Variants in TNKS observed in about 807,000 individuals in gnomAD.
TNKS encodes poly [ADP-ribose] polymerase tankyrase-1.
TNKS carries 72 observed loss-of-function variants against 135.8 expected under a neutral mutation model. That is an observed-to-expected ratio of 0.53 (90% confidence interval 0.44 to 0.64). TNKS has a LOEUF of 0.64. Ranked by LOEUF, TNKS falls within the 30% of genes least tolerant of loss-of-function variation. The pLI, the probability that TNKS is intolerant of heterozygous loss-of-function variation, is 0.00. For missense variants in TNKS, 1,769 were observed against 1,674.0 expected (o/e 1.06, Z -0.99); for synonymous variants, 849 against 649.3 (o/e 1.31, Z -4.68).
rs543919536 is a variant in TNKS, at chr8:9,778,125, C to G, written c.*1389C>G. ...ACTGTTTATTTTCATCAACATTTAC[C>G]AAGTGCCATTGACATTTATAAAAAA... On this transcript the variant is annotated 3_prime_UTR_variant, in exon 27 of 27. Coordinates refer to ENST00000310430, the MANE Select transcript of TNKS (RefSeq NM_003747.3). 147 of 125,100 alleles carry G rather than the reference C, an allele frequency of 1.2e-3. 1 individual carries two copies. The highest frequency in any genetic ancestry group is 4.7e-3 in the African/African-American group (141 of 30,036). The allele number at this position is 125,100 out of a possible 1,614,324, so 7.7% of individuals were successfully genotyped here. A position where few individuals can be genotyped will look rare whatever the true frequency, so the allele number is the denominator to read the frequency against.
intron 1 of TNKS, among the ~76,000 whole-genome samples, chr8:9,571,204 A>T (rs1365269344): frequency 6.6e-6 from 1 of 152,164 alleles, no homozygotes; most frequent in Non-Finnish European, 1.5e-5. Flanking sequence ...GAATTTCAAG[A>T]ATCCTTGTAG....
chr8:9,740,899 TC>T (rs1232023324), intron 17 of TNKS: 1 of 125,324 alleles, frequency 8.0e-6, no homozygotes, highest in African/African-American at 2.9e-5. Flanking sequence ...AAGCTCCGCC[TC>T]CCGGGTTCAC....
At chr8:9,615,130 A>G (rs1378176749) in intron 2 of TNKS, among the ~76,000 whole-genome samples, 1 of 152,156 alleles carries the variant, frequency 6.6e-6, no homozygotes, top group Non-Finnish European at 1.5e-5. Flanking sequence ...GTGAGCCACT[A>G]AAAGGCTTGC....
intron 3 of TNKS, among the ~76,000 whole-genome samples, chr8:9,667,427 G>A (rs2128791016): frequency 6.6e-6 from 1 of 152,338 alleles, no homozygotes; most frequent in Non-Finnish European, 1.5e-5. Context: ...TTGGCCCCTG[G>A]ATGCGTAAGC....
chr8:9,761,788 T>C (rs1192385209), intron 21 of TNKS, 152 bp downstream of exon 21: 1 of 782,638 alleles, frequency 1.3e-6, no homozygotes, highest in Non-Finnish European at 1.9e-6. Flanking sequence ...ATTGGCCTCA[T>C]GCTCCCTCTA....
intron 26 of TNKS, 38 bp from the exon 27 acceptor site, chr8:9,776,612 C>CT: frequency 6.3e-7 from 1 of 1,592,346 alleles, no homozygotes; most frequent in South Asian, 1.1e-5. Context: ...ATTGTGCCTA[C>CT]TAGAAGGGTG....
intron 3 of TNKS, among the ~76,000 whole-genome samples, chr8:9,666,319 G>A (rs2128790492): frequency 6.6e-6 from 1 of 152,294 alleles, no homozygotes; most frequent in African/African-American, 2.4e-5. Flanking sequence ...TACATAGGAA[G>A]CTTATATTTC....
chr8:9,589,780 C>T (rs140898803), intron 2 of TNKS, among the ~76,000 whole-genome samples: 262 of 152,320 alleles, frequency 1.7e-3, no homozygotes, highest in Non-Finnish European at 3.0e-3. Flanking sequence ...TGGATCCCTT[C>T]GAAAATTGAT....
chr8:9,776,679 G>A lies in TNKS; in HGVS notation c.3927G>A (p.Gln1309=). 3 of 1,614,000 alleles carry A rather than the reference G, an allele frequency of 1.9e-6. No homozygotes were observed. Among genetic ancestry groups the A allele is most frequent in the Non-Finnish European group, 2.5e-6 (3 of 1,179,942 alleles). The change falls in exon 27 of 27, where the codon CAG becomes CAA. Residue 1309 remains glutamine (Q), a synonymous_variant. Coordinates refer to ENST00000310430, the MANE Select transcript of TNKS (RefSeq NM_003747.3). ...ACCCAGAGTATCTTATCACTTACCA[G>A]ATCATGAAGCCAGAAGCCCCTTCCC... ...QAYPEYLITY[Q]IMKPEAPSQT...
intron 17 of TNKS, among the ~76,000 whole-genome samples, chr8:9,744,689 T>C (rs1441972425): frequency 6.6e-6 from 1 of 152,226 alleles, no homozygotes; most frequent in Admixed American, 6.5e-5. Context: ...TGAACTGCTA[T>C]TTATTGGATT....
intron 5 of TNKS, among the ~76,000 whole-genome samples, chr8:9,695,365 A>T (rs1248860104): frequency 6.6e-6 from 1 of 152,142 alleles, no homozygotes. Context: ...ATTTTTTCAG[A>T]AGTTACTTTA....
chr8:9,658,996 A>G (rs1240529683), intron 3 of TNKS, among the ~76,000 whole-genome samples: 2 of 152,250 alleles, frequency 1.3e-5, no homozygotes, highest in East Asian at 1.9e-4. Context: ...GAAGGCCCTT[A>G]CATAATGGTA....
At chr8:9,770,796 G>C (rs911603074) in intron 26 of TNKS, among the ~76,000 whole-genome samples, 1 of 152,150 alleles carries the variant, frequency 6.6e-6, no homozygotes, top group East Asian at 1.9e-4. Context: ...AATGCTGTTG[G>C]GGGAAGACTG....
intron 1 of TNKS, among the ~76,000 whole-genome samples, chr8:9,562,625 C>A (rs1356165395): frequency 1.3e-5 from 2 of 152,126 alleles, no homozygotes; most frequent in African/African-American, 2.4e-5. Context: ...CAATCTGTGT[C>A]TTTTAATCTA....
intron 17 of TNKS, among the ~76,000 whole-genome samples, chr8:9,740,052 TAATAAA>T (rs1805852022): frequency 4.8e-5 from 1 of 20,638 alleles, no homozygotes; most frequent in Admixed American, 6.5e-4. Flanking sequence ...ACTTAGAGTA[TAATAAA>T]AAAAAAAAAA....
intron 19 of TNKS, among the ~76,000 whole-genome samples, chr8:9,752,231 A>G (rs1806582757): frequency 6.6e-6 from 1 of 152,120 alleles, no homozygotes; most frequent in Non-Finnish European, 1.5e-5. Flanking sequence ...TAGTATAAGA[A>G]TTATACTATA....
intron 23 of TNKS, 149 bp downstream of exon 23, chr8:9,764,939 C>G (rs965722305): frequency 9.4e-6 from 5 of 529,216 alleles, no homozygotes; most frequent in African/African-American, 4.0e-5. Context: ...ACTCTTCTCA[C>G]TACAATATCT....
chr8:9,593,242 C>G (rs1475172033), intron 2 of TNKS, among the ~76,000 whole-genome samples: 1 of 152,152 alleles, frequency 6.6e-6, no homozygotes, highest in Non-Finnish European at 1.5e-5. Flanking sequence ...AGCAGTGTCA[C>G]TAATATTTGT....
intron 3 of TNKS, among the ~76,000 whole-genome samples, chr8:9,621,374 G>A (rs1799859970): frequency 6.7e-6 from 1 of 149,838 alleles, no homozygotes; most frequent in East Asian, 2.0e-4. Context: ...GTGCAGTCTC[G>A]GCTCACTGCA....
Sources: allele counts gnomAD v4.1 joint callset (sites outside exome capture counted in the v4.1 genomes callset), GRCh38; gene constraint gnomAD v4.1.1; transcripts MANE v1.5; gene names NCBI Gene and HGNC (gene_info 2026-07-23, HGNC 2026-07-21).